Variants in PTP4A2 observed in about 807,000 individuals in gnomAD.
PTP4A2 encodes protein tyrosine phosphatase 4A2, also known as protein tyrosine phosphatase type IVA 2.
A neutral mutation model predicts 22.9 loss-of-function variants in PTP4A2; 2 were observed. The ratio of observed to expected loss-of-function variants is 0.09; its 90% CI spans 0.04 to 0.27. The LOEUF (loss-of-function observed/expected upper bound fraction) is 0.27, where lower values mean the gene tolerates loss of function less well. PTP4A2 is among the 10% of genes least tolerant of loss of function. PTP4A2 has a pLI of 1.00. For synonymous variants in PTP4A2, 68 were observed against 69.1 expected, an observed-to-expected ratio of 0.98 and a Z score of 0.08; for missense variants, 103 against 205.1, an observed-to-expected ratio of 0.50 and a Z score of 3.04.
chr1:31,907,697 C>T lies in PTP4A2; in HGVS notation c.*1155G>A, dbSNP rs1570269471. The T allele has an allele frequency of 6.6e-6, 1 of 152,186 alleles. No homozygotes were observed. Among genetic ancestry groups the T allele is most frequent in the South Asian group, 2.1e-4 (1 of 4,822 alleles). 9.4% of individuals were successfully genotyped at this position (152,186 alleles called of 1,614,324 possible). On this transcript the variant is annotated 3_prime_UTR_variant, in exon 6 of 6. Coordinates refer to ENST00000647444, the MANE Select transcript of PTP4A2 (RefSeq NM_080391.4). ...CTCAAGTCGAAAATATGTGAATTTG[C>T]TGCTGCTCCTTTGACGGTTCCTGAA...
At chr1:31,928,132 A>G (rs1474041378) in intron 1 of PTP4A2, among the ~76,000 whole-genome samples, 1 of 149,036 alleles carries the variant, frequency 6.7e-6, no homozygotes, top group Non-Finnish European at 1.5e-5. Flanking sequence ...AAAATAATCT[A>G]GTCCTTGAAA....
chr1:31,932,406 A>T (rs1434664808), intron 1 of PTP4A2, among the ~76,000 whole-genome samples: 3 of 152,246 alleles, frequency 2.0e-5, no homozygotes, highest in Non-Finnish European at 4.4e-5. Context: ...TCAAGAATTT[A>T]AAAAGCCAAC....
At chr1:31,928,285 CT>C (rs1652565502) in intron 1 of PTP4A2, among the ~76,000 whole-genome samples, 1 of 149,150 alleles carries the variant, frequency 6.7e-6, no homozygotes, top group Non-Finnish European at 1.5e-5. Flanking sequence ...AATATCCCTC[CT>C]TACCCACAAT....
At chr1:31,910,326 T>C in intron 4 of PTP4A2, 1 of 452,764 alleles carries the variant, frequency 2.2e-6, no homozygotes, top group Non-Finnish European at 4.0e-6. Context: ...TCTCGCTCTA[T>C]CACCCAGGCC....
chr1:31,922,582 G>GTTGGTTTC (rs1553211652), intron 1 of PTP4A2, among the ~76,000 whole-genome samples: 3 of 141,724 alleles, frequency 2.1e-5, no homozygotes, highest in Non-Finnish European at 4.6e-5. Context: ...AAAAACCCAG[G>GTTGGTTTC]TTTGTTTCTT....
chr1:31,916,931 C>T (rs1171574608), intron 2 of PTP4A2, among the ~76,000 whole-genome samples: 1 of 152,022 alleles, frequency 6.6e-6, no homozygotes, highest in Non-Finnish European at 1.5e-5. Flanking sequence ...ATGAAATAAA[C>T]ATGCTTTTTT....
intron 1 of PTP4A2, among the ~76,000 whole-genome samples, chr1:31,934,460 T>A (rs1318998001): frequency 6.6e-6 from 1 of 152,200 alleles, no homozygotes; most frequent in East Asian, 1.9e-4. Context: ...CTCCTCTCCA[T>A]CTTATTTGTA....
chr1:31,913,614 A>T (rs2124157919), intron 3 of PTP4A2, among the ~76,000 whole-genome samples: 1 of 152,098 alleles, frequency 6.6e-6, no homozygotes, highest in Middle Eastern at 3.4e-3. Flanking sequence ...CCATTCTTAC[A>T]GGAGTAAGGT....
At chr1:31,917,453 AAT>A (rs1651905973) in intron 2 of PTP4A2, among the ~76,000 whole-genome samples, 1 of 152,206 alleles carries the variant, frequency 6.6e-6, no homozygotes, top group African/African-American at 2.4e-5. Flanking sequence ...AATGTTTCAA[AAT>A]ACAAATAAAA....
At position 31,909,095 on chromosome 1, in the gene PTP4A2, T is replaced by TAGC. The variant is rs1651395176; in HGVS notation, c.396-136_396-135insGCT. On this transcript the variant is annotated intron_variant, in intron 5 of 5. Transcript: ENST00000647444. Reference sequence around the variant, plus strand: ...CAGCATATTTCCCATACTACAACAATTCTTAAAGAGCTAAGTTGCAACATG... The same window carrying TAGC: ...CAGCATATTTCCCATACTACAACAATAGCTCTTAAAGAGCTAAGTTGCAACATG... 3 of 672,504 alleles carry TAGC rather than the reference T, an allele frequency of 4.5e-6. No homozygotes were observed. The African/African-American group carries it at 5.5e-5, about 12-fold the overall frequency. 41.7% of individuals were successfully genotyped at this position (672,504 alleles called of 1,614,324 possible).
chr1:31,909,834 T>C (rs1651441600), intron 5 of PTP4A2, among the ~76,000 whole-genome samples: 1 of 152,228 alleles, frequency 6.6e-6, no homozygotes. Context: ...CAGTCTATAA[T>C]GTCCAAATTA....
Position 31,912,794 on chromosome 1 carries a change from A to G in PTP4A2, c.190-968T>C, listed in dbSNP as rs143865263. Among the ~76,000 whole-genome samples, 382 of 152,354 alleles carry G rather than the reference A, an allele frequency of 2.5e-3. 2 individuals carry two copies. The highest frequency in any genetic ancestry group is 8.7e-3 in the African/African-American group (362 of 41,578). ...GACACTTTAAGATATTAGGGGAGGA[A>G]AAAGAGAAAAGTGACAGAGCATTAA... On this transcript the variant is annotated intron_variant, in intron 3 of 5. Coordinates refer to ENST00000647444, the MANE Select transcript of PTP4A2 (RefSeq NM_080391.4).
chr1:31,913,084 A>G (rs1203657930), intron 3 of PTP4A2: 2 of 430,986 alleles, frequency 4.6e-6, no homozygotes, highest in South Asian at 3.3e-5. Flanking sequence ...TCTATTTTTA[A>G]AAAAATCATT....
At chr1:31,921,018 G>A (rs1652127368) in intron 1 of PTP4A2, among the ~76,000 whole-genome samples, 1 of 152,114 alleles carries the variant, frequency 6.6e-6, no homozygotes, top group African/African-American at 2.4e-5. Flanking sequence ...GGCCCTCAAT[G>A]ATGAGACTAA....
At chr1:31,934,627 T>C (rs1652857965) in intron 1 of PTP4A2, among the ~76,000 whole-genome samples, 1 of 152,248 alleles carries the variant, frequency 6.6e-6, no homozygotes. Flanking sequence ...AAGGAAATAC[T>C]ACCTTTATAG....
chr1:31,924,723 C>T (rs563978), intron 1 of PTP4A2, among the ~76,000 whole-genome samples: 118,845 of 152,108 alleles, frequency 0.78, 47,204 homozygotes, highest in East Asian at 0.92. Context: ...CCAAATACTC[C>T]CTCTCCATTT....
chr1:31,921,242 G>A (rs1652140161), intron 1 of PTP4A2: 1 of 152,198 alleles, frequency 6.6e-6, no homozygotes, highest in Non-Finnish European at 1.5e-5. Flanking sequence ...TCAGAAAAAT[G>A]AAGTGACTTG....
chr1:31,911,740 C>G lies in PTP4A2; in HGVS notation c.276G>C (p.Glu92Asp). The G allele has an allele frequency of 6.2e-7, 1 of 1,607,144 alleles. No individual in the cohort carries two copies. Among genetic ancestry groups the G allele is most frequent in the South Asian group, 1.1e-5 (1 of 89,888 alleles). Reference protein sequence around the residue: ...LNLLKTKFREEPGCCVAVHCV... With the variant: ...LNLLKTKFREDPGCCVAVHCV... ...AATGCACTGCAACACAGCAACCTGG[C>G]TCTTCACGAAATTTGGTTTTTAACA... The change falls in exon 4 of 6, where the codon GAG becomes GAC. Residue 92 changes from glutamate (E) to aspartate (D), a missense_variant. By Grantham distance (45) the Glu-to-Asp change is conservative. This residue lies in a region of PTP4A2 where 66 missense variants were observed against 113.0 expected (regional missense o/e 0.58). Transcript: ENST00000647444.
chr1:31,929,674 T>C (rs1252516302), intron 1 of PTP4A2, among the ~76,000 whole-genome samples: 2 of 152,226 alleles, frequency 1.3e-5, no homozygotes, highest in Non-Finnish European at 2.9e-5. Context: ...AGGCTAATTT[T>C]TCCAGAGAAC....
Sources: allele counts gnomAD v4.1 joint callset (sites outside exome capture counted in the v4.1 genomes callset), GRCh38; gene constraint gnomAD v4.1.1; regional missense constraint gnomAD v4.1.1; transcripts MANE v1.5; gene names NCBI Gene and HGNC (gene_info 2026-07-23, HGNC 2026-07-21).